Variants in AKAP6 observed in about 807,000 individuals in gnomAD.
AKAP6 encodes A-kinase anchor protein 6.
Under a neutral mutation model 188.5 loss-of-function variants are expected in AKAP6, and 58 were observed. The observed-to-expected ratio is 0.31, with a 90% CI of 0.25 to 0.38. The LOEUF is 0.38. Among genes scored for constraint, AKAP6 ranks in the 10% least tolerant of loss-of-function variants. The pLI is 1.00. For missense variants in AKAP6, 2,710 were observed against 2,740.0 expected, an observed-to-expected ratio of 0.99 and a Z score of 0.24; for synonymous variants, 989 against 998.6, an observed-to-expected ratio of 0.99 and a Z score of 0.18.
intron 7 of AKAP6, among the ~76,000 whole-genome samples, chr14:32,638,870 G>A (rs1208976530): frequency 1.3e-5 from 2 of 151,784 alleles, no homozygotes; most frequent in African/African-American, 4.8e-5. Flanking sequence ...TAACTATAAT[G>A]CCAGAAAAAC....
intron 5 of AKAP6, among the ~76,000 whole-genome samples, chr14:32,598,646 A>T (rs149569682): frequency 6.6e-6 from 1 of 152,310 alleles, no homozygotes; most frequent in East Asian, 1.9e-4. Context: ...ATATAGTAAG[A>T]TAAATTTTAC....
intron 4 of AKAP6, among the ~76,000 whole-genome samples, chr14:32,557,174 C>A (rs2139193887): frequency 1.3e-5 from 2 of 152,260 alleles, no homozygotes; most frequent in Admixed American, 1.3e-4. Flanking sequence ...AAGTCTCCAC[C>A]TCCTGGAGCT....
chr14:32,694,918 T>C (rs1890341127), intron 8 of AKAP6, among the ~76,000 whole-genome samples: 1 of 152,158 alleles, frequency 6.6e-6, no homozygotes, highest in South Asian at 2.1e-4. Flanking sequence ...TTAGTACTGA[T>C]AGGGTTTTGC....
intron 4 of AKAP6, among the ~76,000 whole-genome samples, chr14:32,576,459 G>A (rs965049575): frequency 1.3e-5 from 2 of 152,046 alleles, no homozygotes; most frequent in African/African-American, 2.4e-5. Context: ...ATTGTGATTT[G>A]TGCTTCCTAG....
intron 12 of AKAP6, among the ~76,000 whole-genome samples, chr14:32,807,511 T>C (rs970565614): frequency 6.6e-6 from 1 of 152,288 alleles, no homozygotes; most frequent in Admixed American, 6.5e-5. Flanking sequence ...TTGAAAGTGG[T>C]TCATGTGATT....
intron 2 of AKAP6, among the ~76,000 whole-genome samples, chr14:32,458,436 A>T (rs1891216308): frequency 6.6e-6 from 1 of 152,136 alleles, no homozygotes; most frequent in Admixed American, 6.6e-5. Context: ...GTATAATTAT[A>T]TATGTTGCTG....
chr14:32,452,014 T>TTTTTTTTTTTTTTTTTTTTTTTTTTTTA (rs1890956987), intron 2 of AKAP6, among the ~76,000 whole-genome samples: 1 of 51,034 alleles, frequency 2.0e-5, no homozygotes, highest in Non-Finnish European at 4.8e-5. Flanking sequence ...TCTTTACATT[T>TTTTTTTTTTTTTTTTTTTTTTTTTTTTA]TTTTTTTTTT....
intron 7 of AKAP6, among the ~76,000 whole-genome samples, chr14:32,643,271 T>A (rs1323816427): frequency 1.3e-5 from 2 of 152,034 alleles, no homozygotes; most frequent in African/African-American, 4.8e-5. Context: ...CTTCTTTTTG[T>A]TTTGCCTCTC....
intron 9 of AKAP6, 149 bp downstream of exon 9, chr14:32,696,259 A>G: frequency 9.4e-7 from 1 of 1,067,532 alleles, no homozygotes; most frequent in Non-Finnish European, 1.3e-6. Context: ...ACTCATTTCC[A>G]TCCCTTGTGT....
chr14:32,520,615 T>A (rs1881776123), intron 2 of AKAP6, among the ~76,000 whole-genome samples: 1 of 152,194 alleles, frequency 6.6e-6, no homozygotes. Context: ...GATAAATTCC[T>A]GGACACATAC....
intron 7 of AKAP6, among the ~76,000 whole-genome samples, chr14:32,665,940 C>T (rs938861239): frequency 1.3e-5 from 2 of 152,048 alleles, no homozygotes; most frequent in Non-Finnish European, 2.9e-5. Flanking sequence ...TAGTGGGGAG[C>T]CTTTGTGTGG....
intron 2 of AKAP6, among the ~76,000 whole-genome samples, chr14:32,528,482 C>T (rs981333396): frequency 2.0e-5 from 3 of 152,108 alleles, no homozygotes; most frequent in Admixed American, 6.6e-5. Flanking sequence ...GATCAGTTAA[C>T]TGTTACTTAT....
At chr14:32,618,702 G>A (rs1279490289) in intron 7 of AKAP6, among the ~76,000 whole-genome samples, 1 of 152,142 alleles carries the variant, frequency 6.6e-6, no homozygotes, top group Non-Finnish European at 1.5e-5. Flanking sequence ...TTTCATTTGA[G>A]TAGATACCCA....
At chr14:32,498,945 T>C (rs980093586) in intron 2 of AKAP6, among the ~76,000 whole-genome samples, 2 of 152,142 alleles carry the variant, frequency 1.3e-5, no homozygotes, top group Non-Finnish European at 2.9e-5. Context: ...AATAATTTTT[T>C]TTTTTTGGTC....
intron 8 of AKAP6, among the ~76,000 whole-genome samples, chr14:32,687,431 TCTCTCTC>T (rs1889978086): frequency 4.7e-5 from 7 of 150,268 alleles, no homozygotes; most frequent in African/African-American, 1.2e-4. Flanking sequence ...TCTCTCTCTC[TCTCTCTC>T]TCTTTCTCTC....
chr14:32,715,819 T>C (rs905694142), intron 9 of AKAP6, among the ~76,000 whole-genome samples: 3 of 151,820 alleles, frequency 2.0e-5, no homozygotes, highest in Non-Finnish European at 4.4e-5. Context: ...TTTCATATAG[T>C]GAAGAGAAGT....
intron 7 of AKAP6, among the ~76,000 whole-genome samples, chr14:32,656,341 A>G (rs1888453091): frequency 1.3e-5 from 2 of 152,152 alleles, no homozygotes. Flanking sequence ...GTGATCTACA[A>G]AGAAGTTATG....
intron 1 of AKAP6, among the ~76,000 whole-genome samples, chr14:32,403,661 C>T (rs966090400): frequency 1.3e-5 from 2 of 152,168 alleles, no homozygotes; most frequent in Non-Finnish European, 2.9e-5. Context: ...TAGTGATCTA[C>T]CTCTCAGGGT....
At position 32,775,471 on chromosome 14, in the gene AKAP6, C is replaced by T. The variant is rs188405060; in HGVS notation, c.3588+1578C>T. Among the ~76,000 whole-genome samples, 132 of 149,238 alleles carry T rather than the reference C, an allele frequency of 8.8e-4. 2 individuals carry two copies. The highest frequency in any genetic ancestry group is 2.8e-3 in the African/African-American group (112 of 40,438). ...TTTCAAGGATGGAGTCTTTCTCTATCTCCCAGACTGGGGTACAGTGGCCTG... is the reference window on the plus strand; with the variant it reads ...TTTCAAGGATGGAGTCTTTCTCTATTTCCCAGACTGGGGTACAGTGGCCTG... On this transcript the variant is annotated intron_variant, in intron 12 of 13. Coordinates refer to ENST00000280979, the MANE Select transcript of AKAP6 (RefSeq NM_004274.5).
Sources: allele counts gnomAD v4.1 joint callset (sites outside exome capture counted in the v4.1 genomes callset), GRCh38; gene constraint gnomAD v4.1.1; transcripts MANE v1.5; gene names NCBI Gene and HGNC (gene_info 2026-07-23, HGNC 2026-07-21).